The following THOP1 variants were observed in gnomAD, a reference collection of about 807,000 sequenced individuals.
THOP1 encodes the protein thimet oligopeptidase 1, also known as thimet oligopeptidase.
Under a neutral mutation model 71.8 loss-of-function variants are expected in THOP1, and 49 were observed. The observed-to-expected ratio is 0.68, with a 90% CI of 0.54 to 0.87. The LOEUF is 0.87. THOP1 is among the 40% of genes least tolerant of loss of function. The probability of loss-of-function intolerance (pLI) is 0.00; values close to 1 mark genes in which losing one functional copy is unlikely to be tolerated. For synonymous variants in THOP1, 426 were observed against 421.5 expected (o/e 1.01, Z -0.13); for missense variants, 843 against 975.6 (o/e 0.86, Z 1.81).
chr19:2,803,591 G>C (rs1916211886), intron 5 of THOP1, among the ~76,000 whole-genome samples: 1 of 152,210 alleles, frequency 6.6e-6, no homozygotes, highest in African/African-American at 2.4e-5. Flanking sequence ...CCGACCGCCA[G>C]CCGTCACTCC....
In THOP1 at chr19:2,806,969, G is replaced by A. The variant is rs756513751; in HGVS notation, c.803G>A (p.Arg268His). The part of the protein sequence containing the change: ...ELVTLRAQKS[R>H]LLGFHTHADY... Reference sequence around the variant, plus strand: ...GTGACGCTGCGGGCCCAGAAGTCCCGCCTGCTGGGGTTCCACACGCACGCC... The same window carrying A: ...GTGACGCTGCGGGCCCAGAAGTCCCACCTGCTGGGGTTCCACACGCACGCC... The change falls in exon 7 of 13, where the codon CGC (arginine) becomes CAC (histidine). Residue 268 changes from arginine to histidine, a missense_variant. Transcript: ENST00000307741. The A allele has an allele frequency of 1.6e-5, 26 of 1,612,936 alleles. No homozygotes were observed. The highest frequency in any genetic ancestry group is 1.3e-4 in the East Asian group (6 of 44,876).
chr19:2,795,045 A>G (rs753766665), intron 3 of THOP1, 133 bp downstream of exon 3: 47 of 1,083,932 alleles, frequency 4.3e-5, no homozygotes, highest in Non-Finnish European at 5.2e-5. Context: ...GCTAGTCTCG[A>G]ACTCCTGACC....
chr19:2,792,158 G>A (rs1915899765), intron 2 of THOP1, among the ~76,000 whole-genome samples: 1 of 152,178 alleles, frequency 6.6e-6, no homozygotes, highest in Non-Finnish European at 1.5e-5. Context: ...ATCCCGAGAG[G>A]ACAGAGCTGA....
intron 1 of THOP1, among the ~76,000 whole-genome samples, chr19:2,788,981 G>A (rs1023447211): frequency 5.3e-5 from 8 of 152,188 alleles, no homozygotes; most frequent in South Asian, 2.1e-4. Context: ...GGCTGGTCTC[G>A]AACTCCTGAC....
At chr19:2,787,301 G>T (rs971138441) in intron 1 of THOP1, among the ~76,000 whole-genome samples, 11 of 152,178 alleles carry the variant, frequency 7.2e-5, no homozygotes, top group Non-Finnish European at 1.6e-4. Flanking sequence ...CCAGCCCATT[G>T]CGATGAGGGT....
Position 2,813,284 on chromosome 19 carries a change from CA to C in THOP1, c.*9del, listed in dbSNP as rs1916531785. 1 of 1,604,644 alleles carries C rather than the reference CA, an allele frequency of 6.2e-7. No homozygotes were observed. On this transcript the variant is annotated 3_prime_UTR_variant, in exon 13 of 13. Coordinates refer to ENST00000307741, the MANE Select transcript of THOP1 (RefSeq NM_003249.5). ...GAGCCGCAGGTCTGCTGAGGCCTGGCACTGCGACTGCCCAGTCTGGCCTGCG... is the reference window on the plus strand; with the variant it reads ...GAGCCGCAGGTCTGCTGAGGCCTGGCCTGCGACTGCCCAGTCTGGCCTGCG...
In THOP1 at chr19:2,810,438, C is replaced by T. The variant is rs748498584; in HGVS notation, c.1590C>T (p.Ala530=). 110 of 1,594,038 alleles carry T rather than the reference C, an allele frequency of 6.9e-5. No individual in the cohort carries two copies. Among genetic ancestry groups the T allele is most frequent in the Non-Finnish European group, 9.0e-5 (105 of 1,173,046 alleles). The stretch of plus-strand genomic sequence containing the variant: ...CGCGGCACTACCGCACAGGCAGCGC[C>T]GTGCCCCGGGAGCTCCTGGAGAAGC... ...RMSRHYRTGS[A]VPRELLEKLI... is the part of the protein sequence containing the mutation. Residue 530 remains alanine, a synonymous_variant, in exon 10 of 13, where the codon GCC becomes GCT. Transcript: ENST00000307741.
chr19:2,810,841 T>C (rs1056924394), intron 11 of THOP1, 73 bp downstream of exon 11: 29 of 1,528,412 alleles, frequency 1.9e-5, no homozygotes, highest in Non-Finnish European at 2.4e-5. Flanking sequence ...TGAAGGGAGT[T>C]GGTCCCCATG....
chr19:2,814,145 C>T lies in THOP1; in HGVS notation c.*869C>T, dbSNP rs1236306101. 1 of 153,056 alleles carries T rather than the reference C, an allele frequency of 6.5e-6. No individual in the cohort carries two copies. Among genetic ancestry groups the T allele is most frequent in the Non-Finnish European group, 1.5e-5 (1 of 68,766 alleles). 9.5% of individuals were successfully genotyped at this position (153,056 alleles called of 1,614,324 possible). On this transcript the variant is annotated 3_prime_UTR_variant, in exon 13 of 13. Coordinates refer to ENST00000307741, the MANE Select transcript of THOP1 (RefSeq NM_003249.5). ...CTGTGCCTGCCCTCCCTGGCGGCCC[C>T]ACTCCCCTGGCTGTGGGCAACATGG...
chr19:2,789,011 T>C (rs886260886), intron 1 of THOP1, among the ~76,000 whole-genome samples: 1 of 152,264 alleles, frequency 6.6e-6, no homozygotes, highest in African/African-American at 2.4e-5. Flanking sequence ...TCCGCCTGCC[T>C]TGGCCTCCCA....
At chr19:2,807,116 GA>G in intron 7 of THOP1, 64 bp downstream of exon 7, 1 of 1,522,588 alleles carries the variant, frequency 6.6e-7, no homozygotes, top group Non-Finnish European at 8.8e-7. Context: ...CACCCCAGGG[GA>G]CAGTCGGTGC....
chr19:2,810,830 G>A (rs536321502), intron 11 of THOP1, 62 bp downstream of exon 11: 1 of 1,554,448 alleles, frequency 6.4e-7, no homozygotes, highest in Non-Finnish European at 8.7e-7. Flanking sequence ...CCCTGGGAAG[G>A]TGAAGGGAGT....
chr19:2,799,883 G>C (rs550067499), intron 5 of THOP1, 92 bp downstream of exon 5: 24 of 1,197,898 alleles, frequency 2.0e-5, no homozygotes, highest in African/African-American at 3.0e-5. Context: ...TTCCTCCTGT[G>C]GGCTTCTGTG....
At chr19:2,785,705 C>G in intron 1 of THOP1, 27 bp downstream of exon 1, 1 of 1,431,602 alleles carries the variant, frequency 7.0e-7, no homozygotes. Context: ...TCGCCGGACC[C>G]GGGCGTCCCC....
Position 2,796,075 on chromosome 19 carries a change from T to G in THOP1, c.379-6T>G. The G allele has an allele frequency of 6.2e-7, 1 of 1,612,430 alleles. No homozygotes were observed. The highest frequency in any genetic ancestry group is 2.2e-5 in the East Asian group (1 of 44,848). On this transcript the variant is annotated splice_region_variant and splice_polypyrimidine_tract_variant and intron_variant, in intron 3 of 12. Coordinates refer to ENST00000307741, the MANE Select transcript of THOP1 (RefSeq NM_003249.5). ...CGTCCTACATGCTTTGATGTTTTTA[T>G]TCCAGGAGAAAGTTCAGAAGGACTC...
At position 2,804,352 on chromosome 19, in the gene THOP1, C is replaced by T. The variant is rs182776005; in HGVS notation, c.590-664C>T. Among the ~76,000 whole-genome samples the T allele has an allele frequency of 1.3e-5, 2 of 152,266 alleles. No homozygotes were observed. Among genetic ancestry groups the T allele is most frequent in the Admixed American group, 1.3e-4 (2 of 15,296 alleles). ...GGGTGGAGAAGGGACAGCAGGGCTC[C>T]AGTGAGAAGCTCTGGGAGTAGGAAT... On this transcript the variant is annotated intron_variant, in intron 5 of 12. Transcript: ENST00000307741. The surrounding 1 kb of genome is among the most constrained non-coding windows in gnomAD (Gnocchi z 4.7).
intron 1 of THOP1, among the ~76,000 whole-genome samples, chr19:2,788,457 C>T (rs1041071331): frequency 6.6e-6 from 1 of 152,218 alleles, no homozygotes; most frequent in Non-Finnish European, 1.5e-5. Context: ...TTGTCATCTA[C>T]ACCAGGAGTT....
At chr19:2,802,075 TACCC>T (rs1916157158) in intron 5 of THOP1, among the ~76,000 whole-genome samples, 1 of 138,966 alleles carries the variant, frequency 7.2e-6, no homozygotes, top group Non-Finnish European at 1.6e-5. Flanking sequence ...CATCTCCCGA[TACCC>T]ACATCTCCCA....
intron 5 of THOP1, among the ~76,000 whole-genome samples, chr19:2,803,059 C>G (rs1284212606): frequency 2.0e-5 from 3 of 152,064 alleles, no homozygotes; most frequent in Non-Finnish European, 4.4e-5. Flanking sequence ...GGCTCGGCCT[C>G]TGAGCCCACT....
Sources: gnomAD v4.1 joint callset for allele counts (sites outside exome capture counted in the v4.1 genomes callset) on GRCh38, gnomAD v4.1.1 for gene constraint, Gnocchi (gnomAD v3.1) non-coding constraint, MANE v1.5 for transcripts, NCBI Gene and HGNC (gene_info 2026-07-23, HGNC 2026-07-21) for gene names.